CDK14: variants seen among roughly 807,000 people sequenced by gnomAD.
The protein encoded by CDK14 is cyclin-dependent kinase 14.
A neutral mutation model predicts 60.7 loss-of-function variants in CDK14; 34 were observed. The ratio of observed to expected loss-of-function variants is 0.56; its 90% CI spans 0.43 to 0.75. The LOEUF (loss-of-function observed/expected upper bound fraction) is 0.75, where lower values mean the gene tolerates loss of function less well. Among genes scored for constraint, CDK14 ranks in the 30% least tolerant of loss-of-function variants. The pLI, the probability that CDK14 is intolerant of heterozygous loss-of-function variation, is 0.00. For missense variants in CDK14, 482 were observed against 564.1 expected, an observed-to-expected ratio of 0.85 and a Z score of 1.47; for synonymous variants, 197 against 203.7, an observed-to-expected ratio of 0.97 and a Z score of 0.28.
chr7:91,060,496 C>T (rs571292726), intron 11 of CDK14, among the ~76,000 whole-genome samples: 10 of 152,252 alleles, frequency 6.6e-5, no homozygotes, highest in Admixed American at 1.3e-4. Flanking sequence ...TTCCTAGCCT[C>T]GATGGTCTTT....
At chr7:90,912,908 G>A (rs761919588) in intron 7 of CDK14, among the ~76,000 whole-genome samples, 3 of 151,918 alleles carry the variant, frequency 2.0e-5, no homozygotes, top group African/African-American at 7.3e-5. Context: ...CACTGCCCCG[G>A]GCCTGATTAA....
At chr7:90,632,862 G>A (rs1800034454) in intron 2 of CDK14, among the ~76,000 whole-genome samples, 2 of 152,178 alleles carry the variant, frequency 1.3e-5, no homozygotes, top group Admixed American at 1.3e-4. Flanking sequence ...GCCGAGGTGG[G>A]CGGATCACCT....
intron 4 of CDK14, among the ~76,000 whole-genome samples, chr7:90,753,682 A>G (rs1217331563): frequency 6.6e-6 from 1 of 152,142 alleles, no homozygotes; most frequent in Non-Finnish European, 1.5e-5. Flanking sequence ...CAAATAAGAA[A>G]TCAAGTGAAA....
At chr7:91,095,142 A>G (rs1166786220) in intron 12 of CDK14, among the ~76,000 whole-genome samples, 1 of 152,250 alleles carries the variant, frequency 6.6e-6, no homozygotes, top group Non-Finnish European at 1.5e-5. Flanking sequence ...AGCTAAGTAC[A>G]TGAAGACAAT....
intron 9 of CDK14, among the ~76,000 whole-genome samples, chr7:90,963,320 G>A (rs1223702929): frequency 6.6e-6 from 1 of 151,860 alleles, no homozygotes. Flanking sequence ...GGAGGCTGAT[G>A]TGGGAAGACA....
intron 11 of CDK14, among the ~76,000 whole-genome samples, chr7:91,066,930 T>C (rs1798001282): frequency 6.6e-6 from 1 of 152,216 alleles, no homozygotes; most frequent in South Asian, 2.1e-4. Flanking sequence ...AGGTTCAAAT[T>C]AATTGCACTT....
chr7:91,155,599 A>G (rs1289441873), intron 14 of CDK14, among the ~76,000 whole-genome samples: 1 of 152,210 alleles, frequency 6.6e-6, no homozygotes, highest in Admixed American at 6.5e-5. Flanking sequence ...ATTCACTATC[A>G]TCTTTGACAC....
chr7:90,843,432 G>A (rs1562795155), intron 5 of CDK14, among the ~76,000 whole-genome samples: 1 of 152,096 alleles, frequency 6.6e-6, no homozygotes, highest in South Asian at 2.1e-4. Flanking sequence ...TAAGCACTGG[G>A]AATTAGCTGT....
At chr7:90,616,711 C>A (rs1799657584) in intron 2 of CDK14, among the ~76,000 whole-genome samples, 1 of 152,070 alleles carries the variant, frequency 6.6e-6, no homozygotes, top group Non-Finnish European at 1.5e-5. Context: ...AGATACAATG[C>A]AAATTGTACA....
chr7:91,172,804 G>T (rs958188628), intron 14 of CDK14, among the ~76,000 whole-genome samples: 2 of 152,146 alleles, frequency 1.3e-5, no homozygotes, highest in African/African-American at 4.8e-5. Context: ...TCTCCAGGAA[G>T]AGGTAATTGT....
At chr7:90,966,947 T>C (rs918459926) in intron 9 of CDK14, among the ~76,000 whole-genome samples, 2 of 152,092 alleles carry the variant, frequency 1.3e-5, no homozygotes, top group African/African-American at 4.8e-5. Flanking sequence ...CGTAGAGTTC[T>C]TTTATCCTTG....
intron 10 of CDK14, among the ~76,000 whole-genome samples, chr7:91,040,708 T>C (rs1311896516): frequency 6.6e-6 from 1 of 152,186 alleles, no homozygotes; most frequent in Non-Finnish European, 1.5e-5. Flanking sequence ...TCCTCTGTGC[T>C]GTAGTCTTTG....
Position 90,823,126 on chromosome 7 carries a change from T to A in CDK14, c.544+32474T>A, listed in dbSNP as rs1789608102. The stretch of plus-strand genomic sequence containing the variant: ...CTGTGTCCACCCTCTTTATGGTGGT[T>A]CTAGGGAGGACTTGGAGGCTGTCAA... On this transcript the variant is annotated intron_variant, in intron 5 of 14. Coordinates refer to ENST00000380050, the MANE Select transcript of CDK14 (RefSeq NM_001287135.2). Among the ~76,000 whole-genome samples, 3 of 152,148 alleles carry A rather than the reference T, an allele frequency of 2.0e-5. No individual in the cohort carries two copies. In the South Asian group the frequency reaches 6.2e-4, roughly 32 times the overall value.
chr7:90,843,175 A>C (rs961370546), intron 5 of CDK14, among the ~76,000 whole-genome samples: 1 of 152,106 alleles, frequency 6.6e-6, no homozygotes, highest in Non-Finnish European at 1.5e-5. Flanking sequence ...TACAACCAAA[A>C]TTTTGCACCC....
intron 9 of CDK14, among the ~76,000 whole-genome samples, chr7:90,973,866 G>A (rs943602831): frequency 1.3e-5 from 2 of 152,110 alleles, no homozygotes; most frequent in Admixed American, 6.6e-5. Flanking sequence ...GTCCCACTGT[G>A]CACGCATTGT....
intron 12 of CDK14, among the ~76,000 whole-genome samples, chr7:91,107,978 T>C (rs1264552335): frequency 3.9e-5 from 6 of 152,210 alleles, no homozygotes; most frequent in Non-Finnish European, 1.5e-5. Context: ...ACCTCTGTAT[T>C]TGGATTATGA....
At chr7:91,133,463 C>A (rs1800175946) in intron 14 of CDK14, among the ~76,000 whole-genome samples, 1 of 151,814 alleles carries the variant, frequency 6.6e-6, no homozygotes, top group Non-Finnish European at 1.5e-5. Context: ...ACAGAGTAGA[C>A]CATTTAAATA....
At chr7:90,747,968 T>G (rs1803663231) in intron 4 of CDK14, among the ~76,000 whole-genome samples, 193 bp downstream of exon 4, 1 of 151,474 alleles carries the variant, frequency 6.6e-6, no homozygotes, top group Non-Finnish European at 1.5e-5. Flanking sequence ...GTAAACAGTT[T>G]TTCAGACTGT....
chr7:90,835,074 G>A (rs189872940), intron 5 of CDK14, among the ~76,000 whole-genome samples: 2 of 152,226 alleles, frequency 1.3e-5, no homozygotes, highest in East Asian at 1.9e-4. Flanking sequence ...TGACTGACAA[G>A]GAGCAAAGGA....
Sources: gnomAD v4.1 joint callset for allele counts (sites outside exome capture counted in the v4.1 genomes callset) on GRCh38, gnomAD v4.1.1 for gene constraint, MANE v1.5 for transcripts, NCBI Gene and HGNC (gene_info 2026-07-23, HGNC 2026-07-21) for gene names.